The following CSF2RB variants were observed in gnomAD, a reference collection of about 807,000 sequenced individuals.
CSF2RB encodes cytokine receptor common subunit beta.
Under a neutral mutation model 67.2 loss-of-function variants are expected in CSF2RB, and 22 were observed. That is an observed-to-expected ratio of 0.33 (90% CI 0.23 to 0.47). CSF2RB has a LOEUF of 0.47. Among genes scored for constraint, CSF2RB ranks in the 20% least tolerant of loss-of-function variants. The pLI is 1.00. For missense variants in CSF2RB, 1,113 were observed against 1,174.5 expected (o/e 0.95, Z 0.76); for synonymous variants, 507 against 482.9 (o/e 1.05, Z -0.65).
intron 4 of CSF2RB, among the ~76,000 whole-genome samples, chr22:36,928,901 T>A (rs543429509): frequency 6.6e-6 from 1 of 152,154 alleles, no homozygotes; most frequent in Admixed American, 6.5e-5. Flanking sequence ...CACTGAGCTA[T>A]GGTGAAATGA....
chr22:36,918,594 G>A (rs1465279597), intron 1 of CSF2RB, among the ~76,000 whole-genome samples: 1 of 152,150 alleles, frequency 6.6e-6, no homozygotes, highest in East Asian at 1.9e-4. Flanking sequence ...ATTCCTTACT[G>A]TCTTTGAAAA....
intron 1 of CSF2RB, among the ~76,000 whole-genome samples, chr22:36,919,695 G>T (rs185908666): frequency 6.6e-6 from 1 of 152,242 alleles, no homozygotes; most frequent in Non-Finnish European, 1.5e-5. Flanking sequence ...ACAGGCGTGA[G>T]CCACCGCGCC....
Position 36,939,278 on chromosome 22 carries a change from G to A in CSF2RB, c.*776G>A, listed in dbSNP as rs549440362. 41 of 702,110 alleles carry A rather than the reference G, an allele frequency of 5.8e-5. No individual in the cohort carries two copies. In the African/African-American group the frequency reaches 6.3e-4, roughly 11 times the overall value. 43.5% of individuals were successfully genotyped at this position (702,110 alleles called of 1,614,324 possible). ...AAGTTAACGGCCCAAGTGGTGGGCA[G>A]GCTGGCGGGACCTGGGGAACATCAG... On this transcript the variant is annotated 3_prime_UTR_variant, in exon 14 of 14. Coordinates refer to ENST00000403662, the MANE Select transcript of CSF2RB (RefSeq NM_000395.3).
rs765241835 is a variant in CSF2RB, at chr22:36,936,552, G to A, written c.1468G>A (p.Gly490Arg). Residue 490 changes from glycine (G) to arginine (R), a missense_variant, in exon 13 of 14, where the codon GGG (glycine) becomes AGG (arginine). Physicochemically the swap from Gly to Arg is moderately radical, Grantham distance 125 (BLOSUM62 -2). This residue lies in a region of CSF2RB where 559 missense variants were observed against 656.5 expected (regional missense o/e 0.85). Coordinates refer to ENST00000403662, the MANE Select transcript of CSF2RB (RefSeq NM_000395.3). ...CCAAATGTCTCTGCTCTTGCAGAAC[G>A]GGAGCGCAGAGCTTTGGCCCCCAGG... The part of the protein sequence containing the change: ...NPSKSHLFQN[G>R]SAELWPPGSM... 26 of 1,612,534 alleles carry A rather than the reference G, an allele frequency of 1.6e-5. No homozygotes were observed. The highest frequency in any genetic ancestry group is 3.3e-5 in the Admixed American group (2 of 60,002).
intron 1 of CSF2RB, among the ~76,000 whole-genome samples, chr22:36,915,344 C>G (rs1940694238): frequency 6.6e-6 from 1 of 151,928 alleles, no homozygotes; most frequent in South Asian, 2.1e-4. Flanking sequence ...CTCAGCCTCC[C>G]AAAATGCTGG....
chr22:36,935,701 G>A lies in CSF2RB; in HGVS notation c.1464+14G>A. The A allele has an allele frequency of 3.1e-6, 5 of 1,612,054 alleles. No homozygotes were observed. The highest frequency in any genetic ancestry group is 3.3e-4 in the Middle Eastern group (2 of 6,060). ...CACCTGTTCCAGGTAGGAACTGGCT[G>A]CGAGGGGCGGAGTGGGGGCTTCTCT... On this transcript the variant is annotated intron_variant, in intron 12 of 13. Transcript: ENST00000403662.
At chr22:36,921,305 C>CTG (rs982364049) in intron 1 of CSF2RB, among the ~76,000 whole-genome samples, 5 of 148,340 alleles carry the variant, frequency 3.4e-5, no homozygotes, top group Admixed American at 1.3e-4. Flanking sequence ...TTGTATGTAT[C>CTG]TGTGTGTGTC....
rs1461586323 is a variant in CSF2RB at position 36,938,556 on chromosome 22, C to G, written c.*54C>G. On this transcript the variant is annotated 3_prime_UTR_variant, in exon 14 of 14. Transcript: ENST00000403662. ...TGGAGAGGGCTTGCCTTCCCTCCCG[C>G]CTGACCTTCCTCAGTCATTTCTGCA... is the stretch of plus-strand genomic sequence containing the variant. 6.5e-7 allele frequency: 1 copy of G among 1,540,086 alleles called. No homozygotes were observed. The highest frequency in any genetic ancestry group is 8.8e-7 in the Non-Finnish European group (1 of 1,140,852).
chr22:36,938,293 G>A lies in CSF2RB; in HGVS notation c.2485G>A (p.Gly829Arg), dbSNP rs781496243. The A allele has an allele frequency of 2.5e-6, 4 of 1,614,082 alleles. No homozygotes were observed. The highest frequency in any genetic ancestry group is 3.4e-6 in the Non-Finnish European group (4 of 1,180,036). The change falls in exon 14 of 14, where the codon GGG becomes AGG. Residue 829 changes from glycine (G) to arginine (R), a missense_variant. By Grantham distance (125) the Gly-to-Arg change is moderately radical. This residue lies in a region of CSF2RB where 554 missense variants were observed against 517.9 expected (regional missense o/e 1.07). Transcript: ENST00000403662. ...VGDYCFLPGL[G>R]PGPLSLRSKP... ...CGACTATTGCTTCCTCCCCGGCCTG[G>A]GGCCCGGCCCTCTCTCGCTCCGGAG...
intron 3 of CSF2RB, 94 bp downstream of exon 3, chr22:36,923,461 C>T: frequency 2.0e-6 from 3 of 1,536,462 alleles, no homozygotes; most frequent in Non-Finnish European, 2.7e-6. Flanking sequence ...CCTGTCAGGT[C>T]AGCCTCGGGG....
intron 4 of CSF2RB, 112 bp downstream of exon 4, chr22:36,926,289 A>T: frequency 8.9e-7 from 1 of 1,124,274 alleles, no homozygotes; most frequent in Non-Finnish European, 1.3e-6. Flanking sequence ...GGGTTGGGTG[A>T]GGGTTTCTTG....
intron 1 of CSF2RB, among the ~76,000 whole-genome samples, chr22:36,918,565 C>A (rs1482377382): frequency 9.9e-5 from 15 of 152,118 alleles, no homozygotes; most frequent in Non-Finnish European, 1.5e-5. Flanking sequence ...ATCGTAGTAG[C>A]CTCCCCCCTT....
chr22:36,935,672 G>C lies in CSF2RB; in HGVS notation c.1449G>C (p.Lys483Asn). ...KWEEKIPNPS[K>N]SHLFQNGSAE... ...AGGAGAAGATCCCCAACCCCAGCAA[G>C]AGCCACCTGTTCCAGGTAGGAACTG... The change falls in exon 12 of 14, where the codon AAG becomes AAC. Residue 483 changes from lysine to asparagine, a missense_variant. Coordinates refer to ENST00000403662, the MANE Select transcript of CSF2RB (RefSeq NM_000395.3). The C allele has an allele frequency of 1.2e-6, 2 of 1,614,148 alleles. No individual in the cohort carries two copies. The highest frequency in any genetic ancestry group is 1.3e-5 in the African/African-American group (1 of 75,050).
rs376529446 is a variant in CSF2RB at position 36,938,062 on chromosome 22, C to A, written c.2254C>A (p.Pro752Thr). 2.7e-5 allele frequency: 43 copies of A among 1,613,996 alleles called. No homozygotes were observed. The highest frequency in any genetic ancestry group is 3.4e-5 in the Non-Finnish European group (40 of 1,180,006). Residue 752 changes from proline (P) to threonine (T), a missense_variant, in exon 14 of 14, where the codon CCC becomes ACC. Transcript: ENST00000403662. ...CTTATGTCCTGGGCTGGCCAGTGGA[C>A]CCCCTGGAGCCCCAGGCCCTGTGAA... is the stretch of plus-strand genomic sequence containing the variant. Reference protein sequence around the residue: ...PSLCPGLASGPPGAPGPVKSG... With the variant: ...PSLCPGLASGTPGAPGPVKSG...
chr22:36,925,151 A>G (rs1405210374), intron 3 of CSF2RB, among the ~76,000 whole-genome samples: 1 of 152,132 alleles, frequency 6.6e-6, no homozygotes, highest in Non-Finnish European at 1.5e-5. Flanking sequence ...AAACTAAACA[A>G]CAGGGAGGAT....
Position 36,922,214 on chromosome 22 carries a change from C to G in CSF2RB, c.7C>G (p.Leu3Val), listed in dbSNP as rs1156462288. The change falls in exon 2 of 14, where the codon CTG becomes GTG. Residue 3 changes from leucine to valine, a missense_variant. By Grantham distance (32) the Leu-to-Val change is conservative. Transcript: ENST00000403662. ...TCCAGAGCTGACCAGGGAGATGGTG[C>G]TGGCCCAGGGGCTGCTCTCCATGGC... is the stretch of plus-strand genomic sequence containing the variant. Reference protein sequence around the residue: MVLAQGLLSMALL... With the variant: MVVAQGLLSMALL... 6.3e-7 allele frequency: 1 copy of G among 1,587,504 alleles called. No homozygotes were observed. The highest frequency in any genetic ancestry group is 8.6e-7 in the Non-Finnish European group (1 of 1,167,592).
intron 1 of CSF2RB, among the ~76,000 whole-genome samples, chr22:36,921,388 G>C (rs888595837): frequency 2.0e-5 from 3 of 151,416 alleles, no homozygotes; most frequent in Non-Finnish European, 4.4e-5. Context: ...TGCATGTTTT[G>C]TGTGTACGTG....
chr22:36,913,944 C>A (rs146282598), intron 1 of CSF2RB, among the ~76,000 whole-genome samples: 16 of 152,054 alleles, frequency 1.1e-4, no homozygotes, highest in South Asian at 1.0e-3. Context: ...GCCTCGCTAG[C>A]GGGATCTGGT....
At chr22:36,914,250 A>G (rs1004603468) in intron 1 of CSF2RB, among the ~76,000 whole-genome samples, 1 of 151,994 alleles carries the variant, frequency 6.6e-6, no homozygotes, top group Non-Finnish European at 1.5e-5. Flanking sequence ...GTGCAGAGAG[A>G]CTAAGAGGCA....
Sources: allele counts gnomAD v4.1 joint callset (sites outside exome capture counted in the v4.1 genomes callset), GRCh38; gene constraint gnomAD v4.1.1; regional missense constraint gnomAD v4.1.1; transcripts MANE v1.5; gene names NCBI Gene and HGNC (gene_info 2026-07-23, HGNC 2026-07-21).